ARID4B: variants seen among roughly 807,000 people sequenced by gnomAD.
The protein encoded by ARID4B is AT-rich interactive domain-containing protein 4B.
ARID4B carries 26 observed loss-of-function variants against 147.5 expected under a neutral mutation model. The observed-to-expected ratio is 0.18, with a 90% CI of 0.13 to 0.24. ARID4B has a LOEUF of 0.24. ARID4B is among the 10% of genes least tolerant of loss of function. ARID4B has a pLI of 1.00. For synonymous variants in ARID4B, 512 were observed against 507.9 expected, an observed-to-expected ratio of 1.01 and a Z score of -0.11; for missense variants, 1,179 against 1,511.5, an observed-to-expected ratio of 0.78 and a Z score of 3.65.
rs1014849913 is a variant in ARID4B, at chr1:235,302,320, A to G, written c.6+24594T>C. Among the ~76,000 whole-genome samples the G allele has an allele frequency of 2.5e-5, 3 of 118,684 alleles. No homozygotes were observed. The Admixed American group carries it at 2.9e-4, about 12-fold the overall frequency. 77.9% of individuals were successfully genotyped at this position (118,684 alleles called of 152,430 possible). ...GGAAAAAGGGAAAGGGAAGTGGAAG[A>G]GAAGGAGGGGAAAGGAGGGGAGGGG... is the stretch of plus-strand genomic sequence containing the variant. On this transcript the variant is annotated intron_variant, in intron 2 of 23. Transcript: ENST00000264183.
At chr1:235,228,119 C>A (rs953294988) in intron 11 of ARID4B, among the ~76,000 whole-genome samples, 2 of 151,774 alleles carry the variant, frequency 1.3e-5, no homozygotes, top group African/African-American at 4.8e-5. Flanking sequence ...GTCATCCCAG[C>A]ATGAGCCACA....
intron 2 of ARID4B, among the ~76,000 whole-genome samples, chr1:235,293,449 T>G (rs948785565): frequency 3.3e-5 from 5 of 152,222 alleles, no homozygotes; most frequent in African/African-American, 1.2e-4. Flanking sequence ...GTTACAGGTC[T>G]TTCCAGACCT....
chr1:235,298,244 T>C (rs1672883384), intron 2 of ARID4B, among the ~76,000 whole-genome samples: 1 of 152,154 alleles, frequency 6.6e-6, no homozygotes, highest in East Asian at 1.9e-4. Context: ...CATGAATATG[T>C]AAAACATCAG....
In ARID4B at chr1:235,240,255, T is replaced by C. The variant is rs181305211; in HGVS notation, c.585+58A>G. 489 of 1,467,992 alleles carry C rather than the reference T, an allele frequency of 3.3e-4. 3 individuals carry two copies. The African/African-American group carries it at 6.2e-3, about 19-fold the overall frequency. 90.9% of individuals were successfully genotyped at this position (1,467,992 alleles called of 1,614,324 possible). ...ATGAAAAACATTAGTAAGAAAATTG[T>C]TTTCTTCATAAACTTATAAAGTTTG... On this transcript the variant is annotated intron_variant, in intron 8 of 23. Transcript: ENST00000264183.
intron 21 of ARID4B, 145 bp from the exon 22 acceptor site, chr1:235,175,544 CAGCAGCATCTTA>C: frequency 1.5e-6 from 1 of 651,370 alleles, no homozygotes; most frequent in East Asian, 2.7e-5. Context: ...TATACAAATG[CAGCAGCATCTTA>C]GGAAAAGCAA....
At chr1:235,222,319 T>C (rs760503698) in intron 13 of ARID4B, among the ~76,000 whole-genome samples, 3 of 152,216 alleles carry the variant, frequency 2.0e-5, no homozygotes, top group Non-Finnish European at 4.4e-5. Context: ...AAAGGATTTA[T>C]TATTTCGCAT....
intron 19 of ARID4B, among the ~76,000 whole-genome samples, chr1:235,185,176 C>A (rs931230394): frequency 1.6e-4 from 25 of 152,112 alleles, no homozygotes; most frequent in African/African-American, 6.0e-4. Flanking sequence ...CTTATCAACA[C>A]CCATATCTCC....
At chr1:235,173,771 A>AAAT (rs1558165692) in intron 22 of ARID4B, among the ~76,000 whole-genome samples, 1 of 32,350 alleles carries the variant, frequency 3.1e-5, no homozygotes, top group South Asian at 1.8e-3. Context: ...AAAAAAAAAA[A>AAAT]ATATATATAT....
At chr1:235,228,196 C>T (rs1366148652) in intron 11 of ARID4B, 2 of 147,204 alleles carry the variant, frequency 1.4e-5, no homozygotes, top group African/African-American at 2.5e-5. Flanking sequence ...CTGGGTTAAT[C>T]AATAAAATAT....
chr1:235,318,168 C>CTTTTT (rs372816686), intron 2 of ARID4B, among the ~76,000 whole-genome samples: 2 of 111,986 alleles, frequency 1.8e-5, no homozygotes, highest in Non-Finnish European at 1.7e-5. Flanking sequence ...CTTGCTACTC[C>CTTTTT]TTTTTTTTTT....
intron 3 of ARID4B, 106 bp from the exon 4 acceptor site, chr1:235,257,331 G>T: frequency 1.3e-6 from 1 of 752,020 alleles, no homozygotes; most frequent in Non-Finnish European, 2.3e-6. Context: ...AATAATAGCT[G>T]CCTAGTTTAT....
At chr1:235,296,414 A>C (rs1011099904) in intron 2 of ARID4B, 3 of 152,198 alleles carry the variant, frequency 2.0e-5, no homozygotes, top group African/African-American at 7.2e-5. Context: ...AAATAAGTTA[A>C]ACAAAACCTC....
At position 235,196,178 on chromosome 1, in the gene ARID4B, TA is replaced by T. The variant is rs1665478551; in HGVS notation, c.1842-64del. 23 of 790,124 alleles carry T rather than the reference TA, an allele frequency of 2.9e-5. 1 individual carries two copies. Among genetic ancestry groups the T allele is most frequent in the Non-Finnish European group, 1.2e-5 (6 of 514,324 alleles). 48.9% of individuals were successfully genotyped at this position (790,124 alleles called of 1,614,324 possible). A position where few individuals can be genotyped will look rare whatever the true frequency, so the allele number is the denominator to read the frequency against. ...TATACCACGGAAATAACCTATGCCATATTAAAGAGAAACTCATATAGAATCT... is the reference window on the plus strand; with the variant it reads ...TATACCACGGAAATAACCTATGCCATTTAAAGAGAAACTCATATAGAATCT... On this transcript the variant is annotated intron_variant, in intron 17 of 23. Transcript: ENST00000264183.
chr1:235,281,394 T>C (rs1477638353), intron 2 of ARID4B, among the ~76,000 whole-genome samples: 1 of 151,984 alleles, frequency 6.6e-6, no homozygotes, highest in Non-Finnish European at 1.5e-5. Context: ...CTACTAAAAA[T>C]GCAAAAATCA....
Position 235,167,865 on chromosome 1 carries a change from A to G in ARID4B, c.*660T>C. The G allele has an allele frequency of 5.1e-6, 1 of 196,906 alleles. No homozygotes were observed. The allele number at this position is 196,906 out of a possible 1,614,324, so 12.2% of individuals were successfully genotyped here. On this transcript the variant is annotated 3_prime_UTR_variant, in exon 24 of 24. Coordinates refer to ENST00000264183, the MANE Select transcript of ARID4B (RefSeq NM_016374.6). ...GATTTATAGAAAAATGGCAAAGTAC[A>G]GTAGTTCCATTCCAATTTGAAGGGC...
At chr1:235,257,836 C>T (rs909001586) in intron 3 of ARID4B, among the ~76,000 whole-genome samples, 1 of 152,022 alleles carries the variant, frequency 6.6e-6, no homozygotes, top group Non-Finnish European at 1.5e-5. Flanking sequence ...TGTAAAATTG[C>T]TTTTCCTAAA....
intron 22 of ARID4B, among the ~76,000 whole-genome samples, chr1:235,173,300 TGCCAC>T (rs1663503728): frequency 6.6e-6 from 1 of 152,126 alleles, no homozygotes; most frequent in Non-Finnish European, 1.5e-5. Context: ...GCCGAGATTG[TGCCAC>T]TGCACGCTAG....
rs142210110 is a variant in ARID4B, at chr1:235,288,168, C to T, written c.7-27416G>A. Among the ~76,000 whole-genome samples the T allele has an allele frequency of 3.6e-4, 55 of 152,226 alleles. No homozygotes were observed. In the East Asian group the frequency reaches 0.01, roughly 29 times the overall value. On this transcript the variant is annotated intron_variant, in intron 2 of 23. Transcript: ENST00000264183. ...CTATTAAAGAAATATAAAAATTAGC[C>T]AGGCGTGGTGGTGGGCACCTGTAGT... is the stretch of plus-strand genomic sequence containing the variant.
intron 13 of ARID4B, among the ~76,000 whole-genome samples, 178 bp from the exon 14 acceptor site, chr1:235,221,840 CAA>C (rs1667484214): frequency 7.4e-6 from 1 of 135,272 alleles, no homozygotes; most frequent in South Asian, 2.4e-4. Context: ...AGTACTCTAA[CAA>C]ATATCAGAAA....
Sources: gnomAD v4.1 joint callset for allele counts (sites outside exome capture counted in the v4.1 genomes callset) on GRCh38, gnomAD v4.1.1 for gene constraint, MANE v1.5 for transcripts, NCBI Gene and HGNC (gene_info 2026-07-23, HGNC 2026-07-21) for gene names.